DNAI4: variants seen among roughly 807,000 people sequenced by gnomAD.
The protein encoded by DNAI4 is dynein axonemal intermediate chain 4.
In DNAI4, 85 loss-of-function variants were observed where a neutral mutation model predicts 105.8. The observed-to-expected ratio is 0.80, with a 90% confidence interval of 0.67 to 0.96. The LOEUF is 0.96. DNAI4 is among the 40% of genes least tolerant of loss of function. The probability of loss-of-function intolerance (pLI) is 0.00; values close to 1 mark genes in which losing one functional copy is unlikely to be tolerated. For missense variants in DNAI4, 1,014 were observed against 1,005.6 expected (o/e 1.01, Z -0.11); for synonymous variants, 352 against 331.5 (o/e 1.06, Z -0.67).
In DNAI4 at chr1:66,827,055, A is replaced by G; in HGVS notation, c.2113-9T>C. 8.3e-7 allele frequency: 1 copy of G among 1,211,058 alleles called. No individual in the cohort carries two copies. The highest frequency in any genetic ancestry group is 1.1e-6 in the Non-Finnish European group (1 of 896,662). 75.0% of individuals were successfully genotyped at this position (1,211,058 alleles called of 1,614,324 possible). ...ACTTTATACACTGGACCCTAGAAAT[A>G]AAAAAAAAATACATAGGTAAATAAT... On this transcript the variant is annotated splice_polypyrimidine_tract_variant and intron_variant, in intron 14 of 16. Transcript: ENST00000371026.
intron 6 of DNAI4, among the ~76,000 whole-genome samples, chr1:66,863,252 T>C (rs113915310): frequency 2.6e-5 from 4 of 152,322 alleles, no homozygotes; most frequent in African/African-American, 9.6e-5. Flanking sequence ...TATTTGTACA[T>C]GCTAAATTTA....
chr1:66,851,815 T>C (rs1236561555), intron 7 of DNAI4, among the ~76,000 whole-genome samples: 1 of 151,762 alleles, frequency 6.6e-6, no homozygotes, highest in Non-Finnish European at 1.5e-5. Flanking sequence ...ATTAAATGTA[T>C]ACATTAGAAA....
chr1:66,836,742 A>G (rs1334082951), intron 10 of DNAI4, among the ~76,000 whole-genome samples: 1 of 152,222 alleles, frequency 6.6e-6, no homozygotes, highest in Non-Finnish European at 1.5e-5. Context: ...TCTATATGAC[A>G]TATCGCTAAG....
intron 1 of DNAI4, among the ~76,000 whole-genome samples, chr1:66,916,100 A>AG (rs936956499): frequency 1.3e-5 from 2 of 151,564 alleles, no homozygotes; most frequent in East Asian, 3.9e-4. Context: ...AAAAAAAAAA[A>AG]AAGAATCCCA....
chr1:66,877,038 T>A (rs939433016), intron 4 of DNAI4, among the ~76,000 whole-genome samples: 1 of 152,160 alleles, frequency 6.6e-6, no homozygotes, highest in Non-Finnish European at 1.5e-5. Flanking sequence ...CAATTCATCA[T>A]ATTTACCCTT....
intron 15 of DNAI4, 48 bp from the exon 16 acceptor site, chr1:66,822,565 G>T: frequency 7.1e-7 from 1 of 1,416,850 alleles, no homozygotes; most frequent in Non-Finnish European, 9.4e-7. Context: ...TATTAATATG[G>T]TCTTTTAAAT....
At chr1:66,895,885 C>A (rs181288356) in intron 2 of DNAI4, among the ~76,000 whole-genome samples, 1 of 152,084 alleles carries the variant, frequency 6.6e-6, no homozygotes, top group African/African-American at 2.4e-5. Flanking sequence ...GATATCTTGG[C>A]ACAGACCAAG....
chr1:66,915,927 G>C (rs1294484102), intron 1 of DNAI4, among the ~76,000 whole-genome samples: 2 of 152,098 alleles, frequency 1.3e-5, no homozygotes, highest in Non-Finnish European at 2.9e-5. Context: ...TTTGAGACCA[G>C]TCTGGCCAAC....
intron 8 of DNAI4, among the ~76,000 whole-genome samples, chr1:66,845,392 G>A (rs371963004): frequency 1.3e-5 from 2 of 152,064 alleles, no homozygotes; most frequent in Admixed American, 6.5e-5. Context: ...GAGCAACTGA[G>A]ACTCTTATAC....
chr1:66,853,269 C>T (rs1233610697), intron 7 of DNAI4, among the ~76,000 whole-genome samples: 1 of 152,172 alleles, frequency 6.6e-6, no homozygotes, highest in Non-Finnish European at 1.5e-5. Flanking sequence ...TGGGCATTAC[C>T]CCTTGGGCTT....
chr1:66,836,304 GAAAGAAAGAA>G (rs1557909085), intron 10 of DNAI4, among the ~76,000 whole-genome samples: 15 of 150,294 alleles, frequency 1.0e-4, no homozygotes, highest in African/African-American at 3.7e-4. Flanking sequence ...AAGAAAGAAA[GAAAGAAAGAA>G]AGAAAGAAAG....
intron 8 of DNAI4, among the ~76,000 whole-genome samples, chr1:66,841,717 G>C (rs1646152843): frequency 6.6e-6 from 1 of 152,148 alleles, no homozygotes; most frequent in Admixed American, 6.5e-5. Flanking sequence ...AGTTGAATGA[G>C]AAATGTGGTG....
chr1:66,881,553 G>T (rs962305783), intron 4 of DNAI4, among the ~76,000 whole-genome samples: 6 of 152,128 alleles, frequency 3.9e-5, no homozygotes, highest in African/African-American at 1.4e-4. Flanking sequence ...CTTTGTTTTG[G>T]CCAATTTCTC....
chr1:66,815,425 C>A (rs1321332608), intron 16 of DNAI4, among the ~76,000 whole-genome samples: 1 of 151,994 alleles, frequency 6.6e-6, no homozygotes, highest in African/African-American at 2.4e-5. Context: ...TTTTTTCTGC[C>A]TTCAGTGTCT....
intron 7 of DNAI4, among the ~76,000 whole-genome samples, chr1:66,857,330 C>G (rs533206277): frequency 7.0e-4 from 71 of 101,776 alleles, no homozygotes; most frequent in Admixed American, 1.8e-3. Context: ...ACACTGGGGC[C>G]TGTTGTGGGG....
intron 16 of DNAI4, among the ~76,000 whole-genome samples, chr1:66,822,044 C>A (rs1041103363): frequency 6.6e-6 from 1 of 151,940 alleles, no homozygotes; most frequent in Non-Finnish European, 1.5e-5. Flanking sequence ...ATGTAAACTT[C>A]TTTGAATATC....
chr1:66,833,733 C>G lies in DNAI4; in HGVS notation c.1892-27G>C, dbSNP rs770180802. The stretch of plus-strand genomic sequence containing the variant: ...TGTATTTAAAGAAAAACATATATAA[C>G]TTGTTATTTACCACATGAAAGAGTA... On this transcript the variant is annotated intron_variant, in intron 12 of 16. Coordinates refer to ENST00000371026, the MANE Select transcript of DNAI4 (RefSeq NM_024763.5). 1.9e-5 allele frequency: 31 copies of G among 1,605,580 alleles called. 1 individual carries two copies. In the South Asian group the frequency reaches 3.3e-4, roughly 17 times the overall value.
intron 1 of DNAI4, among the ~76,000 whole-genome samples, chr1:66,916,083 T>TAAAAA (rs34693536): frequency 2.6e-5 from 3 of 117,464 alleles, no homozygotes; most frequent in African/African-American, 6.5e-5. Flanking sequence ...AGACTCTGTC[T>TAAAAA]AAAAAAAAAA....
At chr1:66,845,182 C>A (rs1646244802) in intron 8 of DNAI4, among the ~76,000 whole-genome samples, 1 of 77,156 alleles carries the variant, frequency 1.3e-5, no homozygotes, top group African/African-American at 5.1e-5. Flanking sequence ...CAGAGCGAAA[C>A]TCCATCTCAA....
Sources: gnomAD v4.1 joint callset for allele counts (sites outside exome capture counted in the v4.1 genomes callset) on GRCh38, gnomAD v4.1.1 for gene constraint, MANE v1.5 for transcripts, NCBI Gene and HGNC (gene_info 2026-07-23, HGNC 2026-07-21) for gene names.